The following PHF12 variants were observed in gnomAD, a reference collection of about 807,000 sequenced individuals.
The protein encoded by PHF12 is PHD factor 1.
Under a neutral mutation model 99.8 loss-of-function variants are expected in PHF12, and 6 were observed. The observed-to-expected ratio is 0.06, with a 90% CI of 0.03 to 0.12. The LOEUF is 0.12. Ranked by LOEUF, PHF12 falls within the 10% of genes least tolerant of loss-of-function variation. The pLI is 1.00. For missense variants in PHF12, 954 were observed against 1,300.1 expected, an observed-to-expected ratio of 0.73 and a Z score of 4.09; for synonymous variants, 480 against 514.9, an observed-to-expected ratio of 0.93 and a Z score of 0.92.
At chr17:28,944,381 A>G (rs558669573) in intron 2 of PHF12, 1 of 672,310 alleles carries the variant, frequency 1.5e-6, no homozygotes, top group Admixed American at 6.3e-5. Flanking sequence ...TAATCTTTCA[A>G]GAGTATAACC....
At chr17:28,948,742 T>C (rs1172595871) in intron 2 of PHF12, among the ~76,000 whole-genome samples, 2 of 151,658 alleles carry the variant, frequency 1.3e-5, no homozygotes, top group East Asian at 3.9e-4. Flanking sequence ...TTCGGTGAAA[T>C]TTCACTTAAA....
chr17:28,912,312 G>C, intron 9 of PHF12, 170 bp downstream of exon 9: 1 of 1,398,908 alleles, frequency 7.1e-7, no homozygotes, highest in South Asian at 1.7e-5. Flanking sequence ...TTATAAACGG[G>C]ACAAGTTAAC....
intron 2 of PHF12, among the ~76,000 whole-genome samples, chr17:28,945,949 C>T (rs1241816110): frequency 6.6e-6 from 1 of 152,146 alleles, no homozygotes; most frequent in Non-Finnish European, 1.5e-5. Flanking sequence ...GCCTGACCAA[C>T]ACGGTGAAAC....
In PHF12 at chr17:28,949,126, A is replaced by G. The variant is rs1178497407; in HGVS notation, c.248+939T>C. 6.6e-6 allele frequency among the ~76,000 whole-genome samples: 1 copy of G among 152,142 alleles called. No individual in the cohort carries two copies. Among genetic ancestry groups the G allele is most frequent in the African/African-American group, 2.4e-5 (1 of 41,426 alleles). ...AGGGGGAAAAAGCGTACGGCTTTCC[A>G]GCTCTCAGCTCCTTAAAAATGCCTT... is the stretch of plus-strand genomic sequence containing the variant. On this transcript the variant is annotated intron_variant, in intron 2 of 14. Coordinates refer to ENST00000332830, the MANE Select transcript of PHF12 (RefSeq NM_001033561.2). This position sits in a 1 kb window ranked among gnomAD's most constrained non-coding sequence, Gnocchi z 4.6.
At chr17:28,945,016 T>A (rs2040696725) in intron 2 of PHF12, 2 of 152,228 alleles carry the variant, frequency 1.3e-5, no homozygotes, top group African/African-American at 4.8e-5. Context: ...AGCTCACTCC[T>A]ATAATCTCAA....
intron 2 of PHF12, chr17:28,945,463 T>C (rs901251518): frequency 1.3e-5 from 2 of 152,108 alleles, no homozygotes; most frequent in African/African-American, 4.8e-5. Flanking sequence ...ATTCCAAATA[T>C]AACACGCGGA....
rs867800038 is a variant in PHF12, at chr17:28,937,855, T to A, written c.249-10792A>T. ...AAGATGGGCTGGGGTGCAAACATTT[T>A]AAAAAGGGCCTTCATTAATTCACCT... On this transcript the variant is annotated intron_variant, in intron 2 of 14. Coordinates refer to ENST00000332830, the MANE Select transcript of PHF12 (RefSeq NM_001033561.2). Among the ~76,000 whole-genome samples, 4 of 152,270 alleles carry A rather than the reference T, an allele frequency of 2.6e-5. No individual in the cohort carries two copies. The Middle Eastern group carries it at 0.014, about 518-fold the overall frequency.
intron 2 of PHF12, among the ~76,000 whole-genome samples, chr17:28,947,894 A>C (rs1448671855): frequency 6.6e-6 from 1 of 152,208 alleles, no homozygotes. Context: ...CCTCAAAAAA[A>C]AAAAAAATTT....
At position 28,949,839 on chromosome 17, in the gene PHF12, T is replaced by A; in HGVS notation, c.248+226A>T. 1.9e-6 allele frequency: 1 copy of A among 523,366 alleles called. No individual in the cohort carries two copies. Among genetic ancestry groups the A allele is most frequent in the Non-Finnish European group, 3.4e-6 (1 of 296,306 alleles). The allele number at this position is 523,366 out of a possible 1,614,324, so 32.4% of individuals were successfully genotyped here. A position where few individuals can be genotyped will look rare whatever the true frequency, so the allele number is the denominator to read the frequency against. ...CAATCCCATATGGGGTTCTCTTCAC[T>A]CGTCCCAACCCCCACCTCGGGGTCC... is the stretch of plus-strand genomic sequence containing the variant. On this transcript the variant is annotated intron_variant, in intron 2 of 14. Transcript: ENST00000332830. The surrounding 1 kb of genome is among the most constrained non-coding windows in gnomAD (Gnocchi z 4.6).
At chr17:28,948,141 T>A (rs894571436) in intron 2 of PHF12, among the ~76,000 whole-genome samples, 2 of 152,330 alleles carry the variant, frequency 1.3e-5, no homozygotes, top group Non-Finnish European at 2.9e-5. Flanking sequence ...TTCAGCTTTA[T>A]CAAATAAGAG....
At position 28,906,442 on chromosome 17, in the gene PHF12, G is replaced by A. The variant is rs773982324; in HGVS notation, c.2756C>T (p.Pro919Leu). 6.9e-5 allele frequency: 112 copies of A among 1,613,930 alleles called. No individual in the cohort carries two copies. Among genetic ancestry groups the A allele is most frequent in the South Asian group, 8.8e-5 (8 of 91,088 alleles). Residue 919 changes from proline to leucine, a missense_variant, in exon 15 of 15, where the codon CCG (proline) becomes CTG (leucine). Pro to Leu is a moderately conservative substitution (Grantham distance 98). This residue lies in a region of PHF12 where 136 missense variants were observed against 172.3 expected (regional missense o/e 0.79). Coordinates refer to ENST00000332830, the MANE Select transcript of PHF12 (RefSeq NM_001033561.2). This position sits in a 1 kb window ranked among gnomAD's most constrained non-coding sequence, Gnocchi z 4.2. ...AAMMSSQAQG[P>L]QRRPCNCKAS... The stretch of plus-strand genomic sequence containing the variant: ...TTTGCAATTGCAGGGTCTCCGCTGC[G>A]GCCCCTGGGCCTGGGAACTCATCAT...
At chr17:28,911,016 G>A in intron 10 of PHF12, 96 bp downstream of exon 10, 1 of 1,544,902 alleles carries the variant, frequency 6.5e-7, no homozygotes, top group Admixed American at 1.8e-5. Flanking sequence ...GGGATCAGGT[G>A]TCCCTTCCCT....
chr17:28,924,950 CAA>C lies in PHF12; in HGVS notation c.322-650_322-649del, dbSNP rs3052129. ...TGGGCGACAGAGCAAGATTCCATCT[CAA>C]AAAAAAAAAAAAAAAAAATCAGTGA... On this transcript the variant is annotated intron_variant, in intron 3 of 14. Transcript: ENST00000332830. The C allele has an allele frequency of 2.5e-3, 236 of 93,624 alleles. 1 individual carries two copies. The highest frequency in any genetic ancestry group is 0.012 in the Middle Eastern group (2 of 168). 5.8% of individuals were successfully genotyped at this position (93,624 alleles called of 1,614,324 possible).
At position 28,924,241 on chromosome 17, in the gene PHF12, C is replaced by G; in HGVS notation, c.383G>C (p.Arg128Pro). 1 of 1,614,186 alleles carries G rather than the reference C, an allele frequency of 6.2e-7. No individual in the cohort carries two copies. The highest frequency in any genetic ancestry group is 8.5e-7 in the Non-Finnish European group (1 of 1,180,044). Reference protein sequence around the residue: ...VNGLVDKSGKRTTSPSSDTDL... With the variant: ...VNGLVDKSGKPTTSPSSDTDL... ...AGTGTCACTGCTGGGGGATGTAGTC[C>G]GTTTGCCAGATTTGTCCACCAGTCC... Residue 128 changes from arginine to proline, a missense_variant, in exon 4 of 15, where the codon CGG (arginine) becomes CCG (proline). This residue lies in a region of PHF12 where 109 missense variants were observed against 145.4 expected (regional missense o/e 0.75). Transcript: ENST00000332830.
chr17:28,926,398 T>C (rs1598141752), intron 3 of PHF12: 1 of 228,922 alleles, frequency 4.4e-6, no homozygotes, highest in East Asian at 1.3e-4. Context: ...GGGTCAATCA[T>C]AATTTGGGTG....
intron 2 of PHF12, among the ~76,000 whole-genome samples, chr17:28,929,527 G>A (rs1181923684): frequency 6.6e-6 from 1 of 152,200 alleles, no homozygotes; most frequent in African/African-American, 2.4e-5. Flanking sequence ...GTACAGGCGT[G>A]AGCCACTGTG....
Position 28,906,576 on chromosome 17 carries a change from T to A in PHF12, c.2681-59A>T. 6.6e-7 allele frequency: 1 copy of A among 1,521,520 alleles called. No homozygotes were observed. The allele number at this position is 1,521,520 out of a possible 1,614,324, so 94.3% of individuals were successfully genotyped here. A position where few individuals can be genotyped will look rare whatever the true frequency, so the allele number is the denominator to read the frequency against. On this transcript the variant is annotated intron_variant, in intron 14 of 14. Transcript: ENST00000332830. The surrounding 1 kb of genome is among the most constrained non-coding windows in gnomAD (Gnocchi z 4.2). ...CAGTGAGCAGCCAACCCATGTGGGC[T>A]GTTTGCCAAGGTTGGGCTCCTGCAT... is the stretch of plus-strand genomic sequence containing the variant.
intron 2 of PHF12, among the ~76,000 whole-genome samples, chr17:28,939,367 T>C (rs1456122882): frequency 2.6e-5 from 4 of 152,260 alleles, no homozygotes; most frequent in African/African-American, 7.2e-5. Context: ...AGCCAACCTA[T>C]GTATCGAACT....
In PHF12 at chr17:28,951,099, C is replaced by A; in HGVS notation, c.-139G>T. The stretch of plus-strand genomic sequence containing the variant: ...GGGTCCCGACTTCCTCGCCCTGGCT[C>A]CCCCCCACCCCCCGGCCCCCAGTCC... On this transcript the variant is annotated 5_prime_UTR_variant, in exon 1 of 15. Transcript: ENST00000332830. 1.4e-6 allele frequency: 2 copies of A among 1,445,038 alleles called. No individual in the cohort carries two copies. Among genetic ancestry groups the A allele is most frequent in the South Asian group, 1.4e-5 (1 of 71,800 alleles). The allele number at this position is 1,445,038 out of a possible 1,614,324, so 89.5% of individuals were successfully genotyped here. A position where few individuals can be genotyped will look rare whatever the true frequency, so the allele number is the denominator to read the frequency against.
Sources: allele counts gnomAD v4.1 joint callset (sites outside exome capture counted in the v4.1 genomes callset), GRCh38; gene constraint gnomAD v4.1.1; regional missense constraint gnomAD v4.1.1; non-coding constraint Gnocchi (gnomAD v3.1); transcripts MANE v1.5; gene names NCBI Gene and HGNC (gene_info 2026-07-23, HGNC 2026-07-21).